The following NSUN7 variants were observed in gnomAD, a reference collection of about 807,000 sequenced individuals.
NSUN7 encodes the protein protein NSUN7.
In NSUN7, 39 loss-of-function variants were observed where a neutral mutation model predicts 58.5. That is an observed-to-expected ratio of 0.67 (90% CI 0.52 to 0.87). The LOEUF is 0.87. Ranked by LOEUF, NSUN7 falls within the 40% of genes least tolerant of loss-of-function variation. The pLI, the probability that NSUN7 is intolerant of heterozygous loss-of-function variation, is 0.00. For synonymous variants in NSUN7, 278 were observed against 303.7 expected (o/e 0.92, Z 0.88); for missense variants, 765 against 844.1 (o/e 0.91, Z 1.16).
At position 40,808,324 on chromosome 4, in the gene NSUN7, AGT is replaced by A; in HGVS notation, c.1545_1546del (p.Ser516CysfsTer3). Reference protein sequence around the residue: ...LTRERDPSETVSVNDVLARAA... With the variant: ...LTRERDPSETXSVNDVLARAA... ...AATTGCAGCGGGACCCTTCTGAGAC[AGT>A]GTCTGTGAATGATGTTTTGGCCCGA... On this transcript the variant is annotated frameshift_variant, in exon 12 of 12. Transcript: ENST00000381782. LOFTEE classifies it low-confidence loss of function (END_TRUNC). 1 of 1,612,702 alleles carries A rather than the reference AGT, an allele frequency of 6.2e-7. No individual in the cohort carries two copies. Among genetic ancestry groups the A allele is most frequent in the Non-Finnish European group, 8.5e-7 (1 of 1,179,078 alleles).
chr4:40,797,833 G>C (rs147216874), intron 9 of NSUN7, among the ~76,000 whole-genome samples: 1 of 152,176 alleles, frequency 6.6e-6, no homozygotes, highest in South Asian at 2.1e-4. Flanking sequence ...GTACTATCTG[G>C]GGCTCAGACC....
chr4:40,769,301 T>C (rs1741888576), intron 4 of NSUN7, among the ~76,000 whole-genome samples: 1 of 152,240 alleles, frequency 6.6e-6, no homozygotes. Flanking sequence ...TGTATGGTCA[T>C]GATAGAATAT....
chr4:40,756,626 A>G (rs942692265), intron 2 of NSUN7, among the ~76,000 whole-genome samples: 1 of 152,228 alleles, frequency 6.6e-6, no homozygotes, highest in African/African-American at 2.4e-5. Flanking sequence ...TGACTCCTTG[A>G]TCTGCTACTT....
chr4:40,801,619 T>C (rs931971339), intron 10 of NSUN7, among the ~76,000 whole-genome samples: 1 of 152,102 alleles, frequency 6.6e-6, no homozygotes, highest in Admixed American at 6.6e-5. Flanking sequence ...CTTTATAGGT[T>C]GAGCATGGTG....
chr4:40,767,030 C>T (rs1223712019), intron 4 of NSUN7, among the ~76,000 whole-genome samples: 1 of 150,642 alleles, frequency 6.6e-6, no homozygotes, highest in African/African-American at 2.4e-5. Context: ...TTTCAAAAAA[C>T]CAGCTCCTGG....
At chr4:40,763,161 T>G (rs1741539249) in intron 4 of NSUN7, among the ~76,000 whole-genome samples, 1 of 152,190 alleles carries the variant, frequency 6.6e-6, no homozygotes, top group East Asian at 1.9e-4. Flanking sequence ...TTCCTTCCAC[T>G]TAGCATAGTG....
chr4:40,792,213 C>G (rs1401736782), intron 8 of NSUN7, among the ~76,000 whole-genome samples: 4 of 152,014 alleles, frequency 2.6e-5, no homozygotes, highest in Admixed American at 6.6e-5. Flanking sequence ...GAAATAGCAG[C>G]TATAATAAGC....
chr4:40,789,140 TG>T (rs1286075217), intron 7 of NSUN7, among the ~76,000 whole-genome samples: 4 of 152,228 alleles, frequency 2.6e-5, no homozygotes, highest in Admixed American at 6.5e-5. Flanking sequence ...TCTTTCTCTC[TG>T]TCCCCCAAAG....
chr4:40,779,376 G>A (rs1480950134), intron 7 of NSUN7, among the ~76,000 whole-genome samples: 1 of 152,168 alleles, frequency 6.6e-6, no homozygotes, highest in Admixed American at 6.5e-5. Context: ...GGCCGAGGCT[G>A]GCGGATCACA....
At chr4:40,752,218 C>G (rs1207762064) in intron 2 of NSUN7, among the ~76,000 whole-genome samples, 1 of 152,202 alleles carries the variant, frequency 6.6e-6, no homozygotes. Flanking sequence ...AAGGGCAACA[C>G]TCTTTTGCAT....
At chr4:40,789,491 G>T (rs12649253) in intron 7 of NSUN7, among the ~76,000 whole-genome samples, 43,737 of 151,186 alleles carry the variant, frequency 0.29, 6,688 homozygotes, top group Non-Finnish European at 0.34. Flanking sequence ...TAACTTTTTT[G>T]GTGTCGTTAC....
intron 4 of NSUN7, among the ~76,000 whole-genome samples, chr4:40,767,700 A>T (rs1164688106): frequency 3.9e-5 from 6 of 152,208 alleles, no homozygotes; most frequent in Non-Finnish European, 7.3e-5. Context: ...AGATACTGGG[A>T]TATCTCATAC....
At chr4:40,764,149 C>A (rs1281576062) in intron 4 of NSUN7, among the ~76,000 whole-genome samples, 1 of 150,814 alleles carries the variant, frequency 6.6e-6, no homozygotes, top group Non-Finnish European at 1.5e-5. Context: ...CATATGTATA[C>A]ATGTGCCATG....
At chr4:40,782,547 CAAAA>C (rs78502337) in intron 7 of NSUN7, among the ~76,000 whole-genome samples, 1 of 118,550 alleles carries the variant, frequency 8.4e-6, no homozygotes, top group Non-Finnish European at 1.8e-5. Flanking sequence ...CACCCTGTCT[CAAAA>C]AAAAAAAAAA....
At chr4:40,780,256 G>A (rs981555333) in intron 7 of NSUN7, among the ~76,000 whole-genome samples, 2 of 152,108 alleles carry the variant, frequency 1.3e-5, no homozygotes, top group African/African-American at 4.8e-5. Flanking sequence ...CTCCAGCCTA[G>A]GCAACAGAGT....
chr4:40,760,222 C>A (rs1741383348), intron 2 of NSUN7, among the ~76,000 whole-genome samples: 1 of 152,136 alleles, frequency 6.6e-6, no homozygotes, highest in African/African-American at 2.4e-5. Flanking sequence ...AACTATGATT[C>A]CATGCGGACC....
chr4:40,801,942 G>A (rs965057442), intron 10 of NSUN7, among the ~76,000 whole-genome samples: 32 of 150,386 alleles, frequency 2.1e-4, no homozygotes, highest in Middle Eastern at 3.4e-3. Context: ...AAAAGTAATC[G>A]CTTTACAGCA....
chr4:40,751,051 G>A, intron 2 of NSUN7, 60 bp downstream of exon 2: 1 of 1,564,722 alleles, frequency 6.4e-7, no homozygotes, highest in Non-Finnish European at 8.7e-7. Flanking sequence ...GAGAATTTGG[G>A]GAATGCAGCC....
intron 10 of NSUN7, among the ~76,000 whole-genome samples, chr4:40,805,011 T>G (rs1743756318): frequency 6.6e-6 from 1 of 152,074 alleles, no homozygotes; most frequent in South Asian, 2.1e-4. Context: ...AACATAGCCT[T>G]CTGGTGGGTT....
Sources: gnomAD v4.1 joint callset for allele counts (sites outside exome capture counted in the v4.1 genomes callset) on GRCh38, gnomAD v4.1.1 for gene constraint, MANE v1.5 for transcripts, NCBI Gene and HGNC (gene_info 2026-07-23, HGNC 2026-07-21) for gene names.